Variants in CSF1R observed in about 807,000 individuals in gnomAD.
The protein encoded by CSF1R is macrophage colony-stimulating factor 1 receptor.
Under a neutral mutation model 110.0 loss-of-function variants are expected in CSF1R, and 40 were observed. That is an observed-to-expected ratio of 0.36 (90% confidence interval 0.28 to 0.47). CSF1R has a LOEUF of 0.47. Ranked by LOEUF, CSF1R falls within the 20% of genes least tolerant of loss-of-function variation. CSF1R has a pLI of 0.99. For missense variants in CSF1R, 1,052 were observed against 1,253.0 expected (o/e 0.84, Z 2.42); for synonymous variants, 523 against 503.4 (o/e 1.04, Z -0.52).
intron 1 of CSF1R, among the ~76,000 whole-genome samples, chr5:150,108,359 A>G (rs2113870324): frequency 1.3e-5 from 2 of 152,308 alleles, no homozygotes; most frequent in Non-Finnish European, 2.9e-5. Flanking sequence ...GCACCAAAAA[A>G]AGGGGCAGAG....
exon 1 of CSF1R, chr5:150,113,342 C>T (rs1043881918): frequency 1.9e-5 from 3 of 154,536 alleles, no homozygotes; most frequent in African/African-American, 7.2e-5. Context: ...ACTTCGTGCT[C>T]TCACGCTTTT....
At chr5:150,089,248 C>A (rs1758958092), upstream of CSF1R, among the ~76,000 whole-genome samples, 1 of 152,106 alleles carries the variant, frequency 6.6e-6, no homozygotes, top group African/African-American at 2.4e-5. Flanking sequence ...AAACAGAAGG[C>A]ATCCAAATTA....
At chr5:150,076,367 TATCTATCTA>T (rs1758268593) in intron 5 of CSF1R, among the ~76,000 whole-genome samples, 1 of 139,666 alleles carries the variant, frequency 7.2e-6, no homozygotes, top group Non-Finnish European at 1.6e-5. Context: ...TCTATCTATC[TATCTATCTA>T]ATCTATCTAT....
intron 15 of CSF1R, 26 bp downstream of exon 15, chr5:150,057,478 G>A (rs931586898): frequency 3.1e-6 from 5 of 1,612,052 alleles, no homozygotes; most frequent in Non-Finnish European, 3.4e-6. Flanking sequence ...TCAAGCAAAT[G>A]GGGCCTGGCC....
chr5:150,053,777 G>C lies in CSF1R; in HGVS notation c.*292C>G. On this transcript the variant is annotated 3_prime_UTR_variant, in exon 21 of 21. Coordinates refer to ENST00000675795, the MANE Select transcript of CSF1R (RefSeq NM_001288705.3). ...CCATGAAGATAAGGGGATTAGGAAA[G>C]AAGGTTCTACTAGTTGGCATAGCAA... The C allele has an allele frequency of 5.9e-6, 3 of 505,374 alleles. No homozygotes were observed. The highest frequency in any genetic ancestry group is 1.1e-5 in the Non-Finnish European group (3 of 279,524). The allele number at this position is 505,374 out of a possible 1,614,324, so 31.3% of individuals were successfully genotyped here. A position where few individuals can be genotyped will look rare whatever the true frequency, so the allele number is the denominator to read the frequency against.
intron 6 of CSF1R, among the ~76,000 whole-genome samples, chr5:150,071,514 A>G (rs1478322258): frequency 6.6e-6 from 1 of 152,232 alleles, no homozygotes; most frequent in Non-Finnish European, 1.5e-5. Context: ...GGCATATACA[A>G]GGCCTCTGCC....
At chr5:150,077,999 G>A (rs1465715801) in intron 4 of CSF1R, 113 bp downstream of exon 4, 26 of 1,402,080 alleles carry the variant, frequency 1.9e-5, no homozygotes, top group African/African-American at 1.7e-4. Context: ...AGTCTGAGCT[G>A]TGCCTTCAGC....
intron 5 of CSF1R, among the ~76,000 whole-genome samples, chr5:150,073,876 T>C (rs943845389): frequency 2.0e-5 from 3 of 152,224 alleles, no homozygotes; most frequent in Non-Finnish European, 4.4e-5. Context: ...CCCTTTCTTC[T>C]GGTCATAAAT....
At chr5:150,070,111 G>C in intron 8 of CSF1R, 48 bp from the exon 9 acceptor site, 1 of 1,609,156 alleles carries the variant, frequency 6.2e-7, no homozygotes, top group Non-Finnish European at 8.5e-7. Context: ...CCCAGCGCCA[G>C]CATGTCCCTC....
At chr5:150,063,216 A>C (rs11738211) in intron 10 of CSF1R, among the ~76,000 whole-genome samples, 9,907 of 152,196 alleles carry the variant, frequency 0.065, 428 homozygotes, top group Middle Eastern at 0.11. Flanking sequence ...GTCGCAGCCT[A>C]GGCTGGTCTT....
intron 1 of CSF1R, among the ~76,000 whole-genome samples, chr5:150,102,687 C>T (rs1759442745): frequency 6.6e-6 from 1 of 152,154 alleles, no homozygotes; most frequent in Non-Finnish European, 1.5e-5. Context: ...ACCATGTTGA[C>T]CAGGCTGGTC....
rs1007357870 is a variant in CSF1R at position 150,053,612 on chromosome 5, AGT to A, written c.*455_*456del. On this transcript the variant is annotated 3_prime_UTR_variant, in exon 21 of 21. Coordinates refer to ENST00000675795, the MANE Select transcript of CSF1R (RefSeq NM_001288705.3). ...ATCCTGCTCCAAGGGGCCTGAGCTG[AGT>A]GTGGTCTGTGAGCATCTGCTGCTCC... 3.7e-6 allele frequency: 1 copy of A among 270,362 alleles called. No homozygotes were observed. Among genetic ancestry groups the A allele is most frequent in the African/African-American group, 2.2e-5 (1 of 45,696 alleles). 16.7% of individuals were successfully genotyped at this position (270,362 alleles called of 1,614,324 possible).
In CSF1R at chr5:150,079,818, T is replaced by C. The variant is rs2855783; in HGVS notation, c.592+234A>G. Among the ~76,000 whole-genome samples the C allele has an allele frequency of 0.49, 74,714 of 152,184 alleles. 19,474 individuals are homozygous for C. Among genetic ancestry groups the C allele is most frequent in the Non-Finnish European group, 0.56 (38,181 of 67,988 alleles). ...TTATTTTTGTAGCATGTCCAATGACTTGAGATGACCTTGCCCACTGAGTTA... is the reference window on the plus strand; with the variant it reads ...TTATTTTTGTAGCATGTCCAATGACCTGAGATGACCTTGCCCACTGAGTTA... On this transcript the variant is annotated intron_variant, in intron 3 of 20. Transcript: ENST00000675795.
intron 7 of CSF1R, 37 bp downstream of exon 7, chr5:150,070,419 G>C (rs1757982464): frequency 1.3e-6 from 2 of 1,559,970 alleles, no homozygotes; most frequent in Non-Finnish European, 1.7e-6. Context: ...CAGTCCCAGG[G>C]CCTCCGCCCC....
chr5:150,090,427 G>A (rs1009435194), upstream of CSF1R, among the ~76,000 whole-genome samples: 2 of 152,134 alleles, frequency 1.3e-5, no homozygotes, highest in Non-Finnish European at 2.9e-5. Context: ...TTCTCATGCT[G>A]CTCCTTTATA....
chr5:150,061,707 T>C lies in CSF1R; in HGVS notation c.1753+16A>G, dbSNP rs1375217843. On this transcript the variant is annotated intron_variant, in intron 11 of 20. Transcript: ENST00000675795. ...CCTGTGATAGGAAGCTGTGGAGTGA[T>C]GAGCTGCCATCTCACCAAACTGCAG... The C allele has an allele frequency of 6.2e-7, 1 of 1,614,086 alleles. No homozygotes were observed. The highest frequency in any genetic ancestry group is 2.2e-5 in the East Asian group (1 of 44,896).
intron 1 of CSF1R, among the ~76,000 whole-genome samples, chr5:150,095,264 C>T (rs907803557): frequency 1.3e-5 from 2 of 152,006 alleles, no homozygotes; most frequent in African/African-American, 4.8e-5. Context: ...TTATAGAAAA[C>T]CTGAATAAAA....
At chr5:150,074,103 C>A (rs1758149721) in intron 5 of CSF1R, among the ~76,000 whole-genome samples, 1 of 152,156 alleles carries the variant, frequency 6.6e-6, no homozygotes, top group Non-Finnish European at 1.5e-5. Flanking sequence ...GGCGGATAGT[C>A]GGAGTCCTAC....
At chr5:150,070,143 C>G (rs1461629037) in intron 8 of CSF1R, 39 bp downstream of exon 8, 1 of 1,610,220 alleles carries the variant, frequency 6.2e-7, no homozygotes, top group African/African-American at 1.3e-5. Context: ...GTGCCCAGCC[C>G]CTGAGCCCAG....
Sources: allele counts gnomAD v4.1 joint callset (sites outside exome capture counted in the v4.1 genomes callset), GRCh38; gene constraint gnomAD v4.1.1; transcripts MANE v1.5; gene names NCBI Gene and HGNC (gene_info 2026-07-23, HGNC 2026-07-21).